P2RX5: variants seen among roughly 807,000 people sequenced by gnomAD.
The protein encoded by P2RX5 is P2X purinoceptor 5.
In P2RX5, 46 loss-of-function variants were observed where a neutral mutation model predicts 54.1. That is an observed-to-expected ratio of 0.85 (90% CI 0.67 to 1.09). The LOEUF is 1.09. Among genes scored for constraint, P2RX5 ranks in the 50% least tolerant of loss-of-function variants. P2RX5 has a pLI of 0.00. For synonymous variants in P2RX5, 226 were observed against 226.4 expected, an observed-to-expected ratio of 1.00 and a Z score of 0.02; for missense variants, 566 against 549.8, an observed-to-expected ratio of 1.03 and a Z score of -0.29.
the P2RX5 span, among the ~76,000 whole-genome samples, chr17:3,714,199 T>C: frequency 3.3e-5 from 5 of 151,954 alleles, no homozygotes; most frequent in South Asian, 1.0e-3. Context: ...AGTGCTGGGA[T>C]TACAGGCGTG....
At chr17:3,710,319 C>T in the P2RX5 span, among the ~76,000 whole-genome samples, 215 of 150,852 alleles carry the variant, frequency 1.4e-3, 1 homozygote, top group African/African-American at 4.9e-3. Context: ...CCCAGCTACT[C>T]AGGAAGCTGA....
the P2RX5 span, among the ~76,000 whole-genome samples, chr17:3,719,049 TGG>T: frequency 6.6e-6 from 1 of 151,446 alleles, no homozygotes; most frequent in Non-Finnish European, 1.5e-5. Context: ...CTGGCCAACA[TGG>T]TGAAATCCTG....
chr17:3,690,218 C>A, intron 5 of P2RX5, 68 bp from the exon 6 acceptor site: 1 of 1,426,570 alleles, frequency 7.0e-7, no homozygotes, highest in South Asian at 1.1e-5. Flanking sequence ...AGGCCTGGGC[C>A]AGTGTGAGGC....
At chr17:3,676,050 C>T in intron 11 of P2RX5, 3 of 985,444 alleles carry the variant, frequency 3.0e-6, no homozygotes, top group Non-Finnish European at 3.6e-6. Flanking sequence ...CAGAGAGAAC[C>T]CCTCCAAAGA....
chr17:3,720,478 C>G, the P2RX5 span: 1 of 714,236 alleles, frequency 1.4e-6, no homozygotes, highest in African/African-American at 1.7e-5. Flanking sequence ...ACAGCCTTCA[C>G]CACCTTTCCC....
chr17:3,707,798 C>T, the P2RX5 span, among the ~76,000 whole-genome samples: 1 of 152,012 alleles, frequency 6.6e-6, no homozygotes, highest in South Asian at 2.1e-4. Flanking sequence ...GTGGCTCACG[C>T]CTGTAATCCC....
At chr17:3,680,751 G>T (rs1311183286) in intron 10 of P2RX5, among the ~76,000 whole-genome samples, 1 of 60,256 alleles carries the variant, frequency 1.7e-5, no homozygotes, top group Non-Finnish European at 3.3e-5. Flanking sequence ...TCCACCCAGC[G>T]TCCTCCACCC....
chr17:3,723,587 C>A, the P2RX5 span: 1 of 1,293,398 alleles, frequency 7.7e-7, no homozygotes, highest in South Asian at 1.4e-5. Flanking sequence ...GCCCCCGGCA[C>A]TGGCCGGCAG....
the P2RX5 span, among the ~76,000 whole-genome samples, chr17:3,704,729 G>A: frequency 3.3e-5 from 5 of 152,172 alleles, no homozygotes; most frequent in Admixed American, 6.6e-5. Flanking sequence ...GATTCAGGCC[G>A]GGTGTGGTGG....
chr17:3,680,329 A>T (rs371332554), intron 10 of P2RX5, among the ~76,000 whole-genome samples: 5 of 36,168 alleles, frequency 1.4e-4, no homozygotes, highest in Admixed American at 2.9e-4. Flanking sequence ...TCCACCCTGC[A>T]TCCTCCACCC....
At position 3,673,811 on chromosome 17, in the gene P2RX5, T is replaced by C; in HGVS notation, c.*57A>G. On this transcript the variant is annotated 3_prime_UTR_variant, in exon 12 of 12. Transcript: ENST00000225328. ...TCCTGGGATTCCCAAAGGCATGGGA[T>C]CACTGGGTGCTAGACGGCTGGGTTT... 6.2e-7 allele frequency: 1 copy of C among 1,612,404 alleles called. No individual in the cohort carries two copies. The highest frequency in any genetic ancestry group is 8.5e-7 in the Non-Finnish European group (1 of 1,179,984).
At chr17:3,685,440 C>G (rs1241100314) in intron 9 of P2RX5, 1 of 154,198 alleles carries the variant, frequency 6.5e-6, no homozygotes, top group Non-Finnish European at 1.5e-5. Context: ...TCCTCCTGAA[C>G]AGCAGCCTCC....
the P2RX5 span, among the ~76,000 whole-genome samples, chr17:3,709,154 G>T: frequency 4.6e-5 from 7 of 152,100 alleles, no homozygotes; most frequent in African/African-American, 1.7e-4. Context: ...GTGTCACCAT[G>T]TTGGGCAAGC....
the P2RX5 span, among the ~76,000 whole-genome samples, chr17:3,706,099 C>T: frequency 6.6e-6 from 1 of 151,778 alleles, no homozygotes; most frequent in African/African-American, 2.4e-5. Context: ...GGACTACAGG[C>T]GCGCACCACC....
intron 11 of P2RX5, chr17:3,675,164 T>G (rs222759): frequency 1.2e-5 from 2 of 161,806 alleles, no homozygotes. Context: ...CTCAGCCTCC[T>G]GAGTAGCTGG....
intron 6 of P2RX5, 26 bp downstream of exon 6, chr17:3,690,044 G>T: frequency 6.2e-7 from 1 of 1,606,738 alleles, no homozygotes; most frequent in South Asian, 1.1e-5. Flanking sequence ...GCCCACCCGT[G>T]GCCCCCAGTA....
rs768361739 is a variant in P2RX5 at position 3,688,611 on chromosome 17, C to T, written c.887+15G>A. On this transcript the variant is annotated intron_variant, in intron 8 of 11. Coordinates refer to ENST00000225328, the MANE Select transcript of P2RX5 (RefSeq NM_002561.4). ...ATCATGGTCAGGTCACAAGTGGGCA[C>T]AAGGCAGCGGTTACCTGAAGTTGTA... 4 of 1,613,950 alleles carry T rather than the reference C, an allele frequency of 2.5e-6. No homozygotes were observed. The African/African-American group carries it at 5.3e-5, about 22-fold the overall frequency.
intron 3 of P2RX5, 26 bp from the exon 4 acceptor site, chr17:3,690,706 A>G (rs929249362): frequency 5.0e-6 from 8 of 1,609,374 alleles, no homozygotes; most frequent in Non-Finnish European, 5.9e-6. Flanking sequence ...GGGCACCTGG[A>G]TGGGGGGGTT....
chr17:3,723,521 C>G, the P2RX5 span: 1 of 1,003,122 alleles, frequency 1.0e-6, no homozygotes, highest in Non-Finnish European at 1.5e-6. Flanking sequence ...TCGGCCCAAG[C>G]GAAGCTCCAG....
Sources: allele counts gnomAD v4.1 joint callset (sites outside exome capture counted in the v4.1 genomes callset), GRCh38; gene constraint gnomAD v4.1.1; transcripts MANE v1.5; gene names NCBI Gene and HGNC (gene_info 2026-07-23, HGNC 2026-07-21).